The following ADAMTS3 variants were observed in gnomAD, a reference collection of about 807,000 sequenced individuals.
ADAMTS3 encodes ADAM metallopeptidase with thrombospondin type 1 motif 3.
In ADAMTS3, 73 loss-of-function variants were observed where a neutral mutation model predicts 129.0. The ratio of observed to expected loss-of-function variants is 0.57; its 90% CI spans 0.47 to 0.69. The LOEUF (loss-of-function observed/expected upper bound fraction) is 0.69, where lower values mean the gene tolerates loss of function less well. ADAMTS3 is among the 30% of genes least tolerant of loss of function. The probability of loss-of-function intolerance (pLI) is 0.00; values close to 1 mark genes in which losing one functional copy is unlikely to be tolerated. For missense variants in ADAMTS3, 1,457 were observed against 1,514.5 expected, an observed-to-expected ratio of 0.96 and a Z score of 0.63; for synonymous variants, 477 against 510.8, an observed-to-expected ratio of 0.93 and a Z score of 0.89.
intron 17 of ADAMTS3, among the ~76,000 whole-genome samples, chr4:72,302,296 A>G: frequency 2.5e-5 from 1 of 39,454 alleles, no homozygotes; most frequent in East Asian, 7.2e-4. Context: ...CAGCCGAAAA[A>G]TGGAAATAAA....
chr4:72,328,996 C>T (rs191064380), intron 5 of ADAMTS3, among the ~76,000 whole-genome samples: 6 of 152,300 alleles, frequency 3.9e-5, no homozygotes, highest in Admixed American at 3.9e-4. Flanking sequence ...AATCTGCCAA[C>T]TCTTCCCTCA....
At chr4:72,516,765 A>C (rs1022824240) in intron 3 of ADAMTS3, among the ~76,000 whole-genome samples, 1 of 152,042 alleles carries the variant, frequency 6.6e-6, no homozygotes, top group Admixed American at 6.6e-5. Flanking sequence ...CTAGATATAC[A>C]ATCATGTCAT....
intron 3 of ADAMTS3, among the ~76,000 whole-genome samples, chr4:72,464,606 G>A (rs1241163447): frequency 6.6e-6 from 1 of 151,884 alleles, no homozygotes; most frequent in East Asian, 1.9e-4. Flanking sequence ...GAAAAGTGTG[G>A]GGCTATGAAA....
intron 4 of ADAMTS3, among the ~76,000 whole-genome samples, chr4:72,349,384 T>C (rs1214329439): frequency 6.6e-6 from 1 of 151,994 alleles, no homozygotes; most frequent in Non-Finnish European, 1.5e-5. Flanking sequence ...TAAAACATTT[T>C]TACATGAAAA....
intron 4 of ADAMTS3, among the ~76,000 whole-genome samples, chr4:72,360,779 A>G (rs1309492696): frequency 6.6e-6 from 1 of 152,114 alleles, no homozygotes; most frequent in Non-Finnish European, 1.5e-5. Flanking sequence ...ATATATCTTA[A>G]ATATTTATAC....
intron 3 of ADAMTS3, among the ~76,000 whole-genome samples, chr4:72,530,583 T>C (rs1720993163): frequency 2.4e-5 from 1 of 42,270 alleles, no homozygotes; most frequent in Non-Finnish European, 3.7e-5. Context: ...TAATATATAT[T>C]AAATATATAT....
rs567220747 is a variant in ADAMTS3 at position 72,469,560 on chromosome 4, C to T, written c.505-54589G>A. Among the ~76,000 whole-genome samples the T allele has an allele frequency of 6.6e-5, 10 of 152,236 alleles. No individual in the cohort carries two copies. The South Asian group carries it at 1.9e-3, about 28-fold the overall frequency. On this transcript the variant is annotated intron_variant, in intron 3 of 21. Transcript: ENST00000286657. ...CCCCTTATTGCTATCTAATCCCTCA[C>T]CTCTCCGTGATCAGCATGCACAGGT...
At chr4:72,323,224 C>T (rs1174751282) in intron 5 of ADAMTS3, 127 bp from the exon 6 acceptor site, 10 of 704,604 alleles carry the variant, frequency 1.4e-5, no homozygotes, top group Non-Finnish European at 2.5e-5. Flanking sequence ...AGTTTAATAG[C>T]TGAACTCTGA....
At chr4:72,468,158 A>G (rs1188661172) in intron 3 of ADAMTS3, among the ~76,000 whole-genome samples, 2 of 152,130 alleles carry the variant, frequency 1.3e-5, no homozygotes, top group Admixed American at 6.6e-5. Context: ...AAATAGTGAA[A>G]TGAAAAACTA....
At chr4:72,314,859 T>C (rs1276269802) in intron 11 of ADAMTS3, among the ~76,000 whole-genome samples, 1 of 152,178 alleles carries the variant, frequency 6.6e-6, no homozygotes, top group Non-Finnish European at 1.5e-5. Flanking sequence ...AATTGAGCTT[T>C]AAAAGAAGTA....
At chr4:72,299,504 T>C (rs903739814) in intron 17 of ADAMTS3, among the ~76,000 whole-genome samples, 4 of 152,212 alleles carry the variant, frequency 2.6e-5, no homozygotes, top group East Asian at 3.8e-4. Flanking sequence ...TGGGGATTTC[T>C]GGCGTTTCTT....
chr4:72,533,673 A>ATATTTATATATACATATATATG (rs1164175826), intron 3 of ADAMTS3, among the ~76,000 whole-genome samples: 5 of 151,372 alleles, frequency 3.3e-5, no homozygotes, highest in Non-Finnish European at 7.4e-5. Flanking sequence ...GTATATGCAC[A>ATATTTATATATACATATATATG]TATATGCACA....
chr4:72,530,745 T>TTATATATAATATTATACATTATATATTA lies in ADAMTS3; in HGVS notation c.504+17732_504+17733insTAATATATAATGTATAATATTATATATA, dbSNP rs1560554568. ...TATTATACATTATATATTATATATA[T>TTATATATAATATTATACATTATATATTA]TATATATTATATATTATATAGATTA... On this transcript the variant is annotated intron_variant, in intron 3 of 21. Coordinates refer to ENST00000286657, the MANE Select transcript of ADAMTS3 (RefSeq NM_014243.3). Among the ~76,000 whole-genome samples the TTATATATAATATTATACATTATATATTA allele has an allele frequency of 2.5e-3, 60 of 24,278 alleles. 3 individuals carry two copies. The highest frequency in any genetic ancestry group is 0.012 in the African/African-American group (55 of 4,520). The allele number at this position is 24,278 out of a possible 152,430, so 15.9% of individuals were successfully genotyped here. A position where few individuals can be genotyped will look rare whatever the true frequency, so the allele number is the denominator to read the frequency against.
intron 3 of ADAMTS3, among the ~76,000 whole-genome samples, chr4:72,545,557 T>C (rs935987922): frequency 1.3e-5 from 2 of 152,166 alleles, no homozygotes; most frequent in Non-Finnish European, 2.9e-5. Flanking sequence ...TTAAAGGATA[T>C]AAGAGTTTTA....
chr4:72,502,488 T>C (rs550716018), intron 3 of ADAMTS3, among the ~76,000 whole-genome samples: 1 of 152,260 alleles, frequency 6.6e-6, no homozygotes, highest in Admixed American at 6.5e-5. Context: ...TTGTGCTTAT[T>C]TGGACTTTCT....
intron 11 of ADAMTS3, among the ~76,000 whole-genome samples, chr4:72,315,063 C>T (rs554159652): frequency 3.8e-4 from 58 of 152,260 alleles, no homozygotes; most frequent in African/African-American, 1.4e-3. Flanking sequence ...GATTTAAAAC[C>T]TCTGGGCATC....
At chr4:72,358,002 A>G (rs566605307) in intron 4 of ADAMTS3, among the ~76,000 whole-genome samples, 1 of 152,106 alleles carries the variant, frequency 6.6e-6, no homozygotes, top group African/African-American at 2.4e-5. Context: ...ACAGCCTCCC[A>G]CAAAGACTGC....
chr4:72,298,553 T>G (rs1718868137), intron 17 of ADAMTS3, 111 bp from the exon 18 acceptor site: 1 of 795,388 alleles, frequency 1.3e-6, no homozygotes. Context: ...AACTTTCAAA[T>G]AGTTTCAAAA....
intron 16 of ADAMTS3, 117 bp from the exon 17 acceptor site, chr4:72,304,197 C>G (rs1353963655): frequency 2.9e-6 from 3 of 1,033,766 alleles, no homozygotes; most frequent in Non-Finnish European, 2.8e-6. Context: ...TTATTAGTAG[C>G]AAGGAATCAA....
Sources: gnomAD v4.1 joint callset for allele counts (sites outside exome capture counted in the v4.1 genomes callset) on GRCh38, gnomAD v4.1.1 for gene constraint, MANE v1.5 for transcripts, NCBI Gene and HGNC (gene_info 2026-07-23, HGNC 2026-07-21) for gene names.